G3BP2: variants seen among roughly 807,000 people sequenced by gnomAD.
The protein encoded by G3BP2 is G3BP stress granule assembly factor 2.
A neutral mutation model predicts 56.7 loss-of-function variants in G3BP2; 11 were observed. The ratio of observed to expected loss-of-function variants is 0.19; its 90% CI spans 0.12 to 0.32. The LOEUF is 0.32. Ranked by LOEUF, G3BP2 falls within the 10% of genes least tolerant of loss-of-function variation. The pLI is 1.00. For synonymous variants in G3BP2, 165 were observed against 191.6 expected (o/e 0.86, Z 1.15); for missense variants, 340 against 610.9 (o/e 0.56, Z 4.67).
chr4:75,681,859 A>AG (rs1213769639), intron 3 of G3BP2, among the ~76,000 whole-genome samples: 1 of 151,876 alleles, frequency 6.6e-6, no homozygotes, highest in African/African-American at 2.4e-5. Flanking sequence ...AAAAAAAAAA[A>AG]AAAAGAAAAA....
chr4:75,714,980 C>T (rs1191149444), intron 3 of G3BP2, among the ~76,000 whole-genome samples: 2 of 152,160 alleles, frequency 1.3e-5, no homozygotes, highest in Non-Finnish European at 2.9e-5. Flanking sequence ...TGTTCTATTG[C>T]AGCACGTGGT....
chr4:75,665,377 T>C (rs550731702), intron 1 of G3BP2, among the ~76,000 whole-genome samples: 156 of 152,346 alleles, frequency 1.0e-3, no homozygotes, highest in African/African-American at 3.2e-3. Context: ...TCAGGTGTCA[T>C]TGATTTTCCA....
chr4:75,681,126 C>A (rs1022079384), intron 3 of G3BP2, among the ~76,000 whole-genome samples: 7 of 151,580 alleles, frequency 4.6e-5, no homozygotes, highest in Non-Finnish European at 1.0e-4. Context: ...GAGTTCAAGA[C>A]CAGCCTGGCC....
intron 8 of G3BP2, among the ~76,000 whole-genome samples, chr4:75,653,570 GT>G (rs1201093120): frequency 3.6e-3 from 258 of 72,308 alleles, no homozygotes; most frequent in East Asian, 8.5e-3. Context: ...AAGTTTCCTG[GT>G]TTTTTTTTTT....
At chr4:75,665,640 CACAAACACACAAACAA>C (rs1467460230) in intron 1 of G3BP2, among the ~76,000 whole-genome samples, 1 of 29,096 alleles carries the variant, frequency 3.4e-5, no homozygotes, top group African/African-American at 9.1e-5. Flanking sequence ...CACACACACA[CACAAACACACAAACAA>C]ACACACACAC....
intron 1 of G3BP2, among the ~76,000 whole-genome samples, chr4:75,723,203 G>A (rs1174379717): frequency 6.6e-6 from 1 of 152,184 alleles, no homozygotes; most frequent in East Asian, 1.9e-4. Flanking sequence ...GGGGAGGCAG[G>A]AGCTGAAAAA....
At chr4:75,707,485 T>C (rs1300382887) in intron 3 of G3BP2, among the ~76,000 whole-genome samples, 1 of 151,478 alleles carries the variant, frequency 6.6e-6, no homozygotes, top group Non-Finnish European at 1.5e-5. Context: ...GGCGGGAGCC[T>C]GTAGTCCCAG....
chr4:75,655,751 G>A lies in G3BP2; in HGVS notation c.545+17C>T, dbSNP rs1044500033. 15 of 1,350,310 alleles carry A rather than the reference G, an allele frequency of 1.1e-5. No homozygotes were observed. The highest frequency in any genetic ancestry group is 1.6e-5 in the Non-Finnish European group (15 of 940,836). The allele number at this position is 1,350,310 out of a possible 1,614,324, so 83.6% of individuals were successfully genotyped here. ...CATAGTTCAGACCAAATTTAACCTT[G>A]CAAATAGTATGCTTACGTCACAGGG... On this transcript the variant is annotated intron_variant, in intron 6 of 11. Transcript: ENST00000359707.
chr4:75,662,264 C>T lies in G3BP2; in HGVS notation c.-24-215G>A, dbSNP rs975208355. The T allele has an allele frequency of 8.9e-6, 3 of 338,908 alleles. No homozygotes were observed. In the South Asian group the frequency reaches 1.2e-4, roughly 13 times the overall value. 21.0% of individuals were successfully genotyped at this position (338,908 alleles called of 1,614,324 possible). On this transcript the variant is annotated intron_variant, in intron 1 of 11. Coordinates refer to ENST00000359707, the MANE Select transcript of G3BP2 (RefSeq NM_203505.3). The stretch of plus-strand genomic sequence containing the variant: ...TGAGACGGAGTTTCACTCTCCTTGC[C>T]CAGGCTGGAGTGCAATGGCGCAATC...
rs1320385657 is a variant in G3BP2, at chr4:75,663,890, C to T, written c.-24-1841G>A. ...TAAAAAATAAAAATATGAAATATAACCTATTTTATTTTTGAGATGGAGTCT... is the reference window on the plus strand; with the variant it reads ...TAAAAAATAAAAATATGAAATATAATCTATTTTATTTTTGAGATGGAGTCT... On this transcript the variant is annotated intron_variant, in intron 1 of 11. Coordinates refer to ENST00000359707, the MANE Select transcript of G3BP2 (RefSeq NM_203505.3). 1.2e-3 allele frequency among the ~76,000 whole-genome samples: 4 copies of T among 3,436 alleles called. No individual in the cohort carries two copies. The East Asian group carries it at 0.075, about 64-fold the overall frequency. The allele number at this position is 3,436 out of a possible 152,430, so 2.3% of individuals were successfully genotyped here.
chr4:75,715,834 G>A (rs554152364), intron 3 of G3BP2, among the ~76,000 whole-genome samples: 3 of 152,180 alleles, frequency 2.0e-5, no homozygotes, highest in South Asian at 2.1e-4. Flanking sequence ...GACAAATTAC[G>A]AACTTTTTAA....
chr4:75,672,763 A>G (rs1733590768), intron 1 of G3BP2: 1 of 153,184 alleles, frequency 6.5e-6, no homozygotes, highest in African/African-American at 2.4e-5. Flanking sequence ...CGAAGGAACA[A>G]GGTACAAGAG....
At chr4:75,660,642 G>A (rs188851655) in intron 2 of G3BP2, among the ~76,000 whole-genome samples, 1 of 152,132 alleles carries the variant, frequency 6.6e-6, no homozygotes, top group Non-Finnish European at 1.5e-5. Flanking sequence ...CAGATTACAC[G>A]TATGTTCAAC....
At chr4:75,650,688 TC>T (rs551519601) in intron 8 of G3BP2, among the ~76,000 whole-genome samples, 58 of 152,186 alleles carry the variant, frequency 3.8e-4, no homozygotes, top group Non-Finnish European at 7.6e-4. Flanking sequence ...ATGTATTTAC[TC>T]CTATAAAGTC....
At chr4:75,723,546 T>TG (rs1426588227) in intron 1 of G3BP2, among the ~76,000 whole-genome samples, 1 of 152,200 alleles carries the variant, frequency 6.6e-6, no homozygotes, top group Non-Finnish European at 1.5e-5. Flanking sequence ...GACTATTGAT[T>TG]GGACATGTGT....
chr4:75,684,159 A>C (rs536025280), intron 3 of G3BP2, among the ~76,000 whole-genome samples: 61 of 152,298 alleles, frequency 4.0e-4, no homozygotes, highest in Middle Eastern at 3.4e-3. Flanking sequence ...TAATCCCAGC[A>C]CTTTGGGAGG....
rs758697192 is a variant in G3BP2 at position 75,662,008 on chromosome 4, G to C, written c.18C>G (p.Pro6=). The C allele has an allele frequency of 6.2e-7, 1 of 1,610,474 alleles. No individual in the cohort carries two copies. The highest frequency in any genetic ancestry group is 8.5e-7 in the Non-Finnish European group (1 of 1,176,840). Residue 6 remains proline (P), a synonymous_variant, in exon 2 of 12, where the codon CCC becomes CCG. Coordinates refer to ENST00000359707, the MANE Select transcript of G3BP2 (RefSeq NM_203505.3). ...ACTCCCGCCCTACAAGCAGCGGACT[G>C]GGCTTCTCCATAACCATTTCTTTGC... MVMEK[P]SPLLVGREFV...
At chr4:75,691,516 A>G (rs1718857008) in intron 3 of G3BP2, among the ~76,000 whole-genome samples, 1 of 152,222 alleles carries the variant, frequency 6.6e-6, no homozygotes, top group Non-Finnish European at 1.5e-5. Context: ...TCCCAAAGGT[A>G]CATTTTCATT....
At chr4:75,709,490 T>G (rs1192397037) in intron 3 of G3BP2, among the ~76,000 whole-genome samples, 1 of 146,962 alleles carries the variant, frequency 6.8e-6, no homozygotes, top group Non-Finnish European at 1.5e-5. Flanking sequence ...CACATGCCTA[T>G]AGTCTCAACT....
Sources: gnomAD v4.1 joint callset for allele counts (sites outside exome capture counted in the v4.1 genomes callset) on GRCh38, gnomAD v4.1.1 for gene constraint, MANE v1.5 for transcripts, NCBI Gene and HGNC (gene_info 2026-07-23, HGNC 2026-07-21) for gene names.